Variants in MIPOL1 observed in about 807,000 individuals in gnomAD.
The protein encoded by MIPOL1 is mirror-image polydactyly 1, also known as mirror-image polydactyly gene 1 protein.
A neutral mutation model predicts 60.9 loss-of-function variants in MIPOL1; 57 were observed. The ratio of observed to expected loss-of-function variants is 0.94; its 90% CI spans 0.76 to 1.17. MIPOL1 has a LOEUF of 1.17. MIPOL1 is among the 50% of genes most tolerant of loss of function. MIPOL1 has a pLI of 0.00. For synonymous variants in MIPOL1, 179 were observed against 168.8 expected, an observed-to-expected ratio of 1.06 and a Z score of -0.47; for missense variants, 551 against 511.6, an observed-to-expected ratio of 1.08 and a Z score of -0.74.
chr14:37,219,757 A>G (rs549920362), intron 1 of MIPOL1: 1 of 152,312 alleles, frequency 6.6e-6, no homozygotes, highest in South Asian at 2.1e-4. Flanking sequence ...GAGAGGTGTG[A>G]TGAAATTTCC....
intron 9 of MIPOL1, among the ~76,000 whole-genome samples, chr14:37,327,576 T>C (rs574798176): frequency 6.6e-6 from 1 of 152,300 alleles, no homozygotes; most frequent in East Asian, 1.9e-4. Context: ...TGAGCCATCG[T>C]GCCTGGCCAA....
chr14:37,202,733 G>T (rs1274473523), intron 1 of MIPOL1, among the ~76,000 whole-genome samples: 1 of 152,128 alleles, frequency 6.6e-6, no homozygotes, highest in Non-Finnish European at 1.5e-5. Context: ...GCTTCTGACC[G>T]TACCTTCTCC....
intron 5 of MIPOL1, among the ~76,000 whole-genome samples, chr14:37,269,447 A>G (rs1169014776): frequency 6.6e-6 from 1 of 152,056 alleles, no homozygotes; most frequent in Non-Finnish European, 1.5e-5. Context: ...AACCTAATCA[A>G]ACTGAAGCAT....
At chr14:37,299,920 T>G (rs1362605540) in intron 7 of MIPOL1, among the ~76,000 whole-genome samples, 4 of 152,054 alleles carry the variant, frequency 2.6e-5, no homozygotes, top group Non-Finnish European at 4.4e-5. Flanking sequence ...TTTTAAGACC[T>G]TGATAGTTTT....
chr14:37,465,997 A>G (rs957616530), intron 11 of MIPOL1, among the ~76,000 whole-genome samples: 1 of 152,198 alleles, frequency 6.6e-6, no homozygotes, highest in Non-Finnish European at 1.5e-5. Context: ...TAAATTAGAT[A>G]AAACAAGGGG....
intron 11 of MIPOL1, among the ~76,000 whole-genome samples, chr14:37,493,128 G>T (rs1173074879): frequency 6.6e-6 from 1 of 152,156 alleles, no homozygotes; most frequent in African/African-American, 2.4e-5. Flanking sequence ...AATGATTTCT[G>T]TAAGGACTTG....
At chr14:37,206,515 C>A (rs1267538077) in intron 1 of MIPOL1, among the ~76,000 whole-genome samples, 1 of 152,200 alleles carries the variant, frequency 6.6e-6, no homozygotes, top group Non-Finnish European at 1.5e-5. Context: ...TTGGATCCCC[C>A]ACACAAAGTC....
intron 1 of MIPOL1, among the ~76,000 whole-genome samples, chr14:37,235,418 A>G (rs1350669920): frequency 6.6e-6 from 1 of 152,142 alleles, no homozygotes; most frequent in African/African-American, 2.4e-5. Context: ...AATCCTTGAC[A>G]TACAGGTCAA....
chr14:37,484,424 G>A (rs920562593), intron 11 of MIPOL1, among the ~76,000 whole-genome samples: 14 of 138,648 alleles, frequency 1.0e-4, no homozygotes, highest in African/African-American at 1.6e-4. Context: ...TGCAACCTCC[G>A]CCTCCCGGAT....
At chr14:37,353,913 C>A (rs1269730342) in intron 9 of MIPOL1, among the ~76,000 whole-genome samples, 1 of 151,902 alleles carries the variant, frequency 6.6e-6, no homozygotes, top group African/African-American at 2.4e-5. Flanking sequence ...TCCTTCAGTT[C>A]TGCTCTGATT....
intron 12 of MIPOL1, among the ~76,000 whole-genome samples, chr14:37,509,322 A>C (rs1388803225): frequency 1.3e-5 from 2 of 151,918 alleles, no homozygotes; most frequent in Admixed American, 6.6e-5. Flanking sequence ...ATATGTATGC[A>C]TGTGTATATA....
chr14:37,425,040 G>C (rs1460429442), intron 11 of MIPOL1, among the ~76,000 whole-genome samples: 1 of 152,194 alleles, frequency 6.6e-6, no homozygotes, highest in African/African-American at 2.4e-5. Context: ...TAAAGAGGCA[G>C]ATATTAAACC....
chr14:37,322,253 A>C (rs111954255), intron 9 of MIPOL1, among the ~76,000 whole-genome samples: 1,870 of 152,124 alleles, frequency 0.012, 14 homozygotes, highest in Middle Eastern at 0.031. Flanking sequence ...ACGTCTGACA[A>C]GTGCATACAA....
intron 1 of MIPOL1, among the ~76,000 whole-genome samples, chr14:37,211,326 G>A (rs1046368328): frequency 5.3e-5 from 8 of 152,098 alleles, no homozygotes; most frequent in Non-Finnish European, 1.0e-4. Context: ...TGAAGAGATC[G>A]AAAAACAATC....
chr14:37,214,211 C>T (rs912306419), intron 1 of MIPOL1, among the ~76,000 whole-genome samples: 13 of 152,122 alleles, frequency 8.5e-5, no homozygotes, highest in African/African-American at 3.1e-4. Context: ...GTAAACGACT[C>T]TCATTCTCAG....
intron 10 of MIPOL1, among the ~76,000 whole-genome samples, chr14:37,406,199 G>A (rs2093584438): frequency 6.6e-6 from 1 of 152,020 alleles, no homozygotes; most frequent in South Asian, 2.1e-4. Context: ...TTTTCATTTG[G>A]CAATATTTCT....
intron 9 of MIPOL1, among the ~76,000 whole-genome samples, chr14:37,360,666 C>T (rs999670984): frequency 2.0e-5 from 3 of 148,648 alleles, no homozygotes; most frequent in Non-Finnish European, 4.5e-5. Context: ...TGGTGATATC[C>T]CCTTTGTCAT....
At chr14:37,513,286 T>C (rs994364101) in intron 12 of MIPOL1, among the ~76,000 whole-genome samples, 3 of 152,134 alleles carry the variant, frequency 2.0e-5, no homozygotes, top group Admixed American at 2.0e-4. Flanking sequence ...TTATCACCAA[T>C]TGCATTATAT....
intron 12 of MIPOL1, among the ~76,000 whole-genome samples, chr14:37,508,941 C>T (rs998652033): frequency 6.6e-6 from 1 of 152,052 alleles, no homozygotes; most frequent in African/African-American, 2.4e-5. Flanking sequence ...TTCCTGAAGC[C>T]TTTTGTTTTC....
Sources: gnomAD v4.1 joint callset for allele counts (sites outside exome capture counted in the v4.1 genomes callset) on GRCh38, gnomAD v4.1.1 for gene constraint, MANE v1.5 for transcripts, NCBI Gene and HGNC (gene_info 2026-07-23, HGNC 2026-07-21) for gene names.